The following GPHN variants were observed in gnomAD, a reference collection of about 807,000 sequenced individuals.
GPHN encodes the protein gephyrin.
In GPHN, 17 loss-of-function variants were observed where a neutral mutation model predicts 95.5. The ratio of observed to expected loss-of-function variants is 0.18; its 90% CI spans 0.12 to 0.27. The LOEUF is 0.27. Ranked by LOEUF, GPHN falls within the 10% of genes least tolerant of loss-of-function variation. GPHN has a pLI of 1.00. For missense variants in GPHN, 660 were observed against 978.1 expected (o/e 0.67, Z 4.34); for synonymous variants, 320 against 322.5 (o/e 0.99, Z 0.08).
rs1275131502 is a variant in GPHN, at chr14:67,089,148, T to C, written c.1237+73T>C. ...TTCTTTTTTTCTTTTTTTTTTTTTT[T>C]TTTTTTTTTTCAAATTTTTGGCTTA... is the stretch of plus-strand genomic sequence containing the variant. On this transcript the variant is annotated intron_variant, in intron 12 of 22. Coordinates refer to ENST00000478722, the MANE Select transcript of GPHN (RefSeq NM_020806.5). 2.1e-5 allele frequency: 11 copies of C among 521,248 alleles called. 1 individual carries two copies. The highest frequency in any genetic ancestry group is 3.2e-5 in the Non-Finnish European group (9 of 284,644). The allele number at this position is 521,248 out of a possible 1,614,324, so 32.3% of individuals were successfully genotyped here. A position where few individuals can be genotyped will look rare whatever the true frequency, so the allele number is the denominator to read the frequency against.
chr14:66,632,230 C>T (rs1174194990), intron 1 of GPHN, among the ~76,000 whole-genome samples: 1 of 152,108 alleles, frequency 6.6e-6, no homozygotes, highest in African/African-American at 2.4e-5. Flanking sequence ...GTGCCTGTCT[C>T]TTAGCAAATG....
chr14:67,279,043 A>G, the GPHN span: 2 of 810,960 alleles, frequency 2.5e-6, no homozygotes, highest in Non-Finnish European at 3.5e-6. Flanking sequence ...ACTTTTTCAT[A>G]GCATTATTAT....
intron 9 of GPHN, among the ~76,000 whole-genome samples, chr14:66,989,244 T>A (rs12433457): frequency 0.16 from 24,999 of 151,636 alleles, 2,525 homozygotes; most frequent in Non-Finnish European, 0.23. Flanking sequence ...TCATTTTTTT[T>A]AAAAAAAAGA....
the GPHN span, chr14:67,200,141 C>T: frequency 1.8e-6 from 2 of 1,126,544 alleles, no homozygotes; most frequent in South Asian, 3.1e-5. Flanking sequence ...TTCTGATCTC[C>T]CATGGGTCAC....
chr14:67,442,742 G>A, the GPHN span, among the ~76,000 whole-genome samples: 1 of 152,244 alleles, frequency 6.6e-6, no homozygotes, highest in Non-Finnish European at 1.5e-5. Flanking sequence ...AGCAGTCAGA[G>A]CTGAGTACAA....
chr14:67,349,009 A>G, the GPHN span: 70 of 1,603,164 alleles, frequency 4.4e-5, no homozygotes, highest in Admixed American at 1.1e-3. Flanking sequence ...TTTCTCCCCA[A>G]AGGGTTTCTA....
chr14:67,238,627 A>G, the GPHN span, among the ~76,000 whole-genome samples: 3 of 151,744 alleles, frequency 2.0e-5, no homozygotes, highest in Non-Finnish European at 4.4e-5. Flanking sequence ...ACATGAAAAT[A>G]TCTTTAGGAG....
chr14:67,205,707 A>T, the GPHN span, among the ~76,000 whole-genome samples: 1 of 152,200 alleles, frequency 6.6e-6, no homozygotes, highest in African/African-American at 2.4e-5. Context: ...AAAGTTGCTT[A>T]AAAAACTTGA....
intron 1 of GPHN, among the ~76,000 whole-genome samples, chr14:66,593,613 T>G (rs1595147147): frequency 6.6e-6 from 1 of 152,302 alleles, no homozygotes; most frequent in South Asian, 2.1e-4. Flanking sequence ...TTACAGGGAT[T>G]ACAATTTGAG....
chr14:67,204,292 G>A, the GPHN span, among the ~76,000 whole-genome samples: 1 of 151,988 alleles, frequency 6.6e-6, no homozygotes, highest in Non-Finnish European at 1.5e-5. Flanking sequence ...GCAAAAATTA[G>A]CCAGGCATTG....
At chr14:67,279,059 G>T in the GPHN span, 1 of 1,047,222 alleles carries the variant, frequency 9.5e-7, no homozygotes, top group South Asian at 2.1e-5. Flanking sequence ...ATTATGTGAT[G>T]TGAGAAGTTT....
At chr14:67,165,276 AT>A in intron 20 of GPHN, 50 bp downstream of exon 20, 7 of 1,329,464 alleles carry the variant, frequency 5.3e-6, no homozygotes, top group Non-Finnish European at 6.5e-6. Flanking sequence ...AATAGCCAAA[AT>A]TTTTTGGACT....
At chr14:66,695,164 AAAAT>A (rs1409227007) in intron 2 of GPHN, among the ~76,000 whole-genome samples, 2 of 152,268 alleles carry the variant, frequency 1.3e-5, no homozygotes, top group East Asian at 3.9e-4. Context: ...CTGTCTTAAA[AAAAT>A]AAATAAATAA....
the GPHN span, among the ~76,000 whole-genome samples, chr14:67,275,152 CTG>C: frequency 6.6e-6 from 1 of 152,202 alleles, no homozygotes; most frequent in South Asian, 2.1e-4. Context: ...ACTTCCAACA[CTG>C]TGTTGAATAG....
intron 20 of GPHN, among the ~76,000 whole-genome samples, chr14:67,166,059 A>C (rs1224560363): frequency 3.9e-5 from 6 of 152,190 alleles, no homozygotes; most frequent in Non-Finnish European, 5.9e-5. Flanking sequence ...TACAAATCTC[A>C]TGGCTTTTGG....
At chr14:66,883,125 C>T (rs1369800804) in intron 5 of GPHN, among the ~76,000 whole-genome samples, 1 of 151,332 alleles carries the variant, frequency 6.6e-6, no homozygotes, top group East Asian at 1.9e-4. Context: ...GGGAAATTTC[C>T]TTTTTTTTGC....
chr14:66,892,291 C>T (rs1478132171), intron 5 of GPHN, among the ~76,000 whole-genome samples: 2 of 152,110 alleles, frequency 1.3e-5, no homozygotes, highest in Non-Finnish European at 2.9e-5. Flanking sequence ...GTCCTGGTGA[C>T]ACACACCTAT....
the GPHN span, chr14:67,642,307 G>A: frequency 1.2e-6 from 2 of 1,614,130 alleles, no homozygotes; most frequent in Admixed American, 1.7e-5. Flanking sequence ...TGGCTGAGGT[G>A]GTTAGCAGAG....
the GPHN span, chr14:67,646,912 T>G: frequency 6.5e-7 from 1 of 1,546,108 alleles, no homozygotes; most frequent in South Asian, 1.1e-5. Flanking sequence ...CCTTTATATC[T>G]CATCACAGTT....
Sources: allele counts gnomAD v4.1 joint callset (sites outside exome capture counted in the v4.1 genomes callset), GRCh38; gene constraint gnomAD v4.1.1; transcripts MANE v1.5; gene names NCBI Gene and HGNC (gene_info 2026-07-23, HGNC 2026-07-21).